MAP4: variants seen among roughly 807,000 people sequenced by gnomAD.
MAP4 encodes the protein microtubule-associated protein 4.
A neutral mutation model predicts 170.2 loss-of-function variants in MAP4; 76 were observed. The ratio of observed to expected loss-of-function variants is 0.45; its 90% CI spans 0.37 to 0.54. The LOEUF (loss-of-function observed/expected upper bound fraction) is 0.54, where lower values mean the gene tolerates loss of function less well. Ranked by LOEUF, MAP4 falls within the 20% of genes least tolerant of loss-of-function variation. MAP4 has a pLI of 0.00. For synonymous variants in MAP4, 909 were observed against 994.5 expected (o/e 0.91, Z 1.62); for missense variants, 2,506 against 2,748.0 (o/e 0.91, Z 1.97).
chr3:48,055,803 G>A lies in MAP4; in HGVS notation c.-20+32970C>T, dbSNP rs1486784768. The stretch of plus-strand genomic sequence containing the variant: ...CCATCACATCTAGGAAGTGAGGAGC[G>A]TCTCTGCCCGGCCGCCCATAGTCTG... On this transcript the variant is annotated intron_variant, in intron 1 of 18. Transcript: ENST00000360240. 1.0e-4 allele frequency among the ~76,000 whole-genome samples: 14 copies of A among 139,034 alleles called. 1 individual carries two copies. The South Asian group carries it at 3.4e-3, about 33-fold the overall frequency. The allele number at this position is 139,034 out of a possible 152,430, so 91.2% of individuals were successfully genotyped here.
At chr3:47,962,873 T>C (rs2100072495) in intron 3 of MAP4, among the ~76,000 whole-genome samples, 1 of 152,190 alleles carries the variant, frequency 6.6e-6, no homozygotes, top group Non-Finnish European at 1.5e-5. Context: ...AATATTAATT[T>C]GTTAAATAGA....
At chr3:47,863,623 C>T (rs1436463424) in intron 17 of MAP4, among the ~76,000 whole-genome samples, 3 of 152,034 alleles carry the variant, frequency 2.0e-5, no homozygotes, top group African/African-American at 7.2e-5. Flanking sequence ...CTCCAGGTAC[C>T]AAAACATGCT....
chr3:47,978,263 A>G (rs1399049017), intron 2 of MAP4, among the ~76,000 whole-genome samples: 1 of 152,182 alleles, frequency 6.6e-6, no homozygotes, highest in Non-Finnish European at 1.5e-5. Context: ...CAGGTTTGGT[A>G]TCAGCAATTC....
intron 10 of MAP4, among the ~76,000 whole-genome samples, chr3:47,883,195 T>C (rs1233169684): frequency 2.6e-5 from 4 of 152,198 alleles, no homozygotes; most frequent in Non-Finnish European, 5.9e-5. Flanking sequence ...ATATGATTTA[T>C]GACTTTAAAA....
Position 47,880,393 on chromosome 3 carries a change from C to A in MAP4, c.5435-2870G>T, listed in dbSNP as rs375384733. Among the ~76,000 whole-genome samples the A allele has an allele frequency of 9.4e-4, 143 of 151,326 alleles. No homozygotes were observed. The South Asian group carries it at 0.027, about 29-fold the overall frequency. On this transcript the variant is annotated intron_variant, in intron 10 of 20. Coordinates refer to ENST00000683076, the MANE Select transcript of MAP4 (RefSeq NM_001385682.1). ...AAAATGTTGGGATTACAGGTGTGAG[C>A]CACCACACCTGGCTGACAATTACTT...
rs7626004 is a variant in MAP4, at chr3:47,884,774, T to C, written c.5435-7251A>G. Reference sequence around the variant, plus strand: ...GGGGTTGCTGGGAGCAGGAAACACCTACCTCGGGGGCTTTCTCTTGCTAAG... The same window carrying C: ...GGGGTTGCTGGGAGCAGGAAACACCCACCTCGGGGGCTTTCTCTTGCTAAG... On this transcript the variant is annotated intron_variant, in intron 10 of 20. Coordinates refer to ENST00000683076, the MANE Select transcript of MAP4 (RefSeq NM_001385682.1). 2.0e-3 allele frequency among the ~76,000 whole-genome samples: 305 copies of C among 152,246 alleles called. 1 individual carries two copies. Among genetic ancestry groups the C allele is most frequent in the African/African-American group, 6.9e-3 (287 of 41,550 alleles).
At chr3:48,065,490 C>G (rs1027620397) in intron 1 of MAP4, among the ~76,000 whole-genome samples, 1 of 151,922 alleles carries the variant, frequency 6.6e-6, no homozygotes, top group Non-Finnish European at 1.5e-5. Context: ...AATCAAGGCC[C>G]TGGGCCCTCC....
At chr3:47,893,180 GT>G (rs1272653681) in intron 10 of MAP4, among the ~76,000 whole-genome samples, 4 of 152,212 alleles carry the variant, frequency 2.6e-5, no homozygotes, top group Admixed American at 2.6e-4. Flanking sequence ...AGCTCCATCT[GT>G]AGCTCTGCAT....
chr3:48,033,517 G>GT (rs1250288574), intron 1 of MAP4, among the ~76,000 whole-genome samples: 13 of 150,460 alleles, frequency 8.6e-5, no homozygotes. Context: ...TTGAAGTGAA[G>GT]TTTACATAAC....
intron 2 of MAP4, 41 bp downstream of exon 2, chr3:47,998,597 G>A (rs2100097331): frequency 6.7e-7 from 1 of 1,501,792 alleles, no homozygotes; most frequent in Non-Finnish European, 9.2e-7. Flanking sequence ...TCCCTAACCT[G>A]CTTTCTGAAC....
chr3:47,871,243 A>G lies in MAP4; in HGVS notation c.5985T>C (p.Thr1995=). The G allele has an allele frequency of 6.2e-7, 1 of 1,614,240 alleles. No homozygotes were observed. The highest frequency in any genetic ancestry group is 1.3e-5 in the African/African-American group (1 of 75,062). The change falls in exon 14 of 21, where the codon ACT becomes ACC. Residue 1995 remains threonine, a synonymous_variant. Coordinates refer to ENST00000683076, the MANE Select transcript of MAP4 (RefSeq NM_001385682.1). Reference sequence around the variant, plus strand: ...GGCTATTACCTGGTACAGACTTTGCAGTCATCTTCTTGACTTCTGCAGGTT... The same window carrying G: ...GGCTATTACCTGGTACAGACTTTGCGGTCATCTTCTTGACTTCTGCAGGTT... ...EGKPAEVKKM[T]AKSVPADLSR...
intron 3 of MAP4, among the ~76,000 whole-genome samples, chr3:47,964,184 G>A (rs1403160233): frequency 1.3e-5 from 2 of 152,310 alleles, no homozygotes; most frequent in East Asian, 3.9e-4. Context: ...CTGTGCAAAA[G>A]AACAGCATGA....
Position 48,005,740 on chromosome 3 carries a change from T to C in MAP4, c.-19-6861A>G, listed in dbSNP as rs564077528. On this transcript the variant is annotated intron_variant, in intron 1 of 20. Transcript: ENST00000683076. ...CCCAGCTGGGAGGGTCCAGAAGATA[T>C]ACCCTTGACCAATGCCTTGTGAAAT... Among the ~76,000 whole-genome samples, 7 of 152,308 alleles carry C rather than the reference T, an allele frequency of 4.6e-5. No homozygotes were observed. The South Asian group carries it at 1.0e-3, about 23-fold the overall frequency.
intron 1 of MAP4, among the ~76,000 whole-genome samples, chr3:48,035,507 GCCTGTGGT>G (rs1227985284): frequency 2.0e-5 from 3 of 152,000 alleles, no homozygotes; most frequent in African/African-American, 7.3e-5. Flanking sequence ...GGTGGTATGT[GCCTGTGGT>G]CCCAGCTACT....
At chr3:48,042,738 C>G (rs1346233256) in intron 1 of MAP4, among the ~76,000 whole-genome samples, 3 of 152,076 alleles carry the variant, frequency 2.0e-5, no homozygotes, top group African/African-American at 7.2e-5. Flanking sequence ...CATATGAAAG[C>G]AGAAATAACC....
rs746999860 is a variant in MAP4, at chr3:47,893,759, C to CT, written c.5434+9190dup. Among the ~76,000 whole-genome samples the CT allele has an allele frequency of 5.2e-3, 705 of 134,318 alleles. 2 individuals are homozygous for CT. Among genetic ancestry groups the CT allele is most frequent in the South Asian group, 0.013 (54 of 4,206 alleles). 88.1% of individuals were successfully genotyped at this position (134,318 alleles called of 152,430 possible). A position where few individuals can be genotyped will look rare whatever the true frequency, so the allele number is the denominator to read the frequency against. ...CAAGATGAAGAAAAGATTTAGATTG[C>CT]TTTTTTTTTTTTTTTAAAAAAAGGC... On this transcript the variant is annotated intron_variant, in intron 10 of 20. Transcript: ENST00000683076.
rs1185099671 is a variant in MAP4, at chr3:47,912,043, T to C, written c.2378A>G (p.Asn793Ser). 4 of 1,536,048 alleles carry C rather than the reference T, an allele frequency of 2.6e-6. No individual in the cohort carries two copies. The African/African-American group carries it at 5.5e-5, about 21-fold the overall frequency. ...TGGATGACCTTTAGGCTTATCTGCA[T>C]TGTCATCATCCGAAGGTCCTCCAGC... ...PRAGGPSDDD[N>S]ADKPKGHPFA... Residue 793 changes from asparagine to serine, a missense_variant, in exon 9 of 21, where the codon AAT becomes AGT. By Grantham distance (46) the Asn-to-Ser change is conservative (BLOSUM62 1). Transcript: ENST00000683076.
At position 47,928,269 on chromosome 3, in the gene MAP4, A is replaced by G; in HGVS notation, c.374T>C (p.Phe125Ser). The G allele has an allele frequency of 6.2e-7, 1 of 1,614,200 alleles. No homozygotes were observed. Among genetic ancestry groups the G allele is most frequent in the Non-Finnish European group, 8.5e-7 (1 of 1,180,028 alleles). The change falls in exon 4 of 21, where the codon TTT becomes TCT. Residue 125 changes from phenylalanine (F) to serine (S), a missense_variant. By Grantham distance (155) the Phe-to-Ser change is radical. Around this residue, in one of 3 missense-constraint regions of MAP4, gnomAD observed 2,008 missense variants for 2,206.0 expected, o/e 0.91. Coordinates refer to ENST00000683076, the MANE Select transcript of MAP4 (RefSeq NM_001385682.1). ...NSQNWPEDTN[F>S]CFQPEQVVDP... ...GACCACTTGCTCAGGTTGGAAACAA[A>G]AGTTGGTATCTTCTGGCCAGTTCTG...
rs760930002 is a variant in MAP4 at position 47,910,127 on chromosome 3, G to A, written c.4294C>T (p.Leu1432=). 1 of 1,613,962 alleles carries A rather than the reference G, an allele frequency of 6.2e-7. No individual in the cohort carries two copies. Among genetic ancestry groups the A allele is most frequent in the South Asian group, 1.1e-5 (1 of 91,084 alleles). Residue 1432 remains leucine (L), a synonymous_variant, in exon 9 of 21, where the codon CTA becomes TTA. Transcript: ENST00000683076. The part of the protein sequence containing the change: ...PSELINKSSP[L]EVLESAACEK... ...CAGGCTGCTGATTCCAGAACCTCTA[G>A]AGGAGATGATTTATTTATCAGCTCT... is the stretch of plus-strand genomic sequence containing the variant.
Sources: allele counts gnomAD v4.1 joint callset (sites outside exome capture counted in the v4.1 genomes callset), GRCh38; gene constraint gnomAD v4.1.1; regional missense constraint gnomAD v4.1.1; transcripts MANE v1.5; gene names NCBI Gene and HGNC (gene_info 2026-07-23, HGNC 2026-07-21).